Variants in SPTBN1 observed in about 807,000 individuals in gnomAD.
SPTBN1 encodes spectrin beta, non-erythrocytic 1, also known as spectrin beta chain, non-erythrocytic 1.
SPTBN1 carries 32 observed loss-of-function variants against 266.4 expected under a neutral mutation model. The observed-to-expected ratio is 0.12, with a 90% CI of 0.09 to 0.16. SPTBN1 has a LOEUF of 0.16. SPTBN1 is among the 10% of genes least tolerant of loss of function. The pLI, the probability that SPTBN1 is intolerant of heterozygous loss-of-function variation, is 1.00. For missense variants in SPTBN1, 2,296 were observed against 3,067.1 expected (o/e 0.75, Z 5.94); for synonymous variants, 1,336 against 1,162.2 (o/e 1.15, Z -3.04).
chr2:54,666,867 G>A (rs1412102925), intron 34 of SPTBN1, among the ~76,000 whole-genome samples: 1 of 152,220 alleles, frequency 6.6e-6, no homozygotes, highest in Non-Finnish European at 1.5e-5. Flanking sequence ...GATTTATTAA[G>A]CTCTGCTGCT....
chr2:54,506,804 CAT>C (rs1237034804), intron 1 of SPTBN1, among the ~76,000 whole-genome samples: 1 of 151,278 alleles, frequency 6.6e-6, no homozygotes, highest in Non-Finnish European at 1.5e-5. Context: ...CCAGTAGGAA[CAT>C]AGAACAGGAG....
chr2:54,520,888 A>G (rs1670396373), intron 1 of SPTBN1, among the ~76,000 whole-genome samples: 1 of 152,096 alleles, frequency 6.6e-6, no homozygotes. Flanking sequence ...TTTCTCTTCA[A>G]GGGGAGATTC....
At chr2:54,543,312 T>C (rs1672043987) in intron 2 of SPTBN1, among the ~76,000 whole-genome samples, 1 of 152,232 alleles carries the variant, frequency 6.6e-6, no homozygotes. Context: ...TGGGCATGCA[T>C]GTGAAGTGTT....
At chr2:54,526,704 GC>G in intron 2 of SPTBN1, 138 bp downstream of exon 2, 1 of 1,085,506 alleles carries the variant, frequency 9.2e-7, no homozygotes, top group Non-Finnish European at 1.2e-6. Context: ...TTGAGAGCCA[GC>G]TGACCATTTT....
At chr2:54,632,182 G>T (rs1227993542) in intron 16 of SPTBN1, among the ~76,000 whole-genome samples, 6 of 151,216 alleles carry the variant, frequency 4.0e-5, no homozygotes, top group Non-Finnish European at 7.4e-5. Flanking sequence ...AGGACACAAA[G>T]TAGAGATTAG....
At chr2:54,473,522 ACG>A (rs1472207332) in intron 1 of SPTBN1, among the ~76,000 whole-genome samples, 6 of 149,686 alleles carry the variant, frequency 4.0e-5, no homozygotes, top group Non-Finnish European at 7.4e-5. Context: ...TTAAGCACAC[ACG>A]CACACACATA....
rs561450292 is a variant in SPTBN1, at chr2:54,542,871, C to T, written c.148+16305C>T. On this transcript the variant is annotated intron_variant, in intron 2 of 35. Transcript: ENST00000356805. ...TTGGATGCTTGGGATAGATGAGGGT[C>T]GTGAGGTATTTTGGTCACAAATCTG... Among the ~76,000 whole-genome samples the T allele has an allele frequency of 5.3e-4, 81 of 152,278 alleles. 1 individual carries two copies. The highest frequency in any genetic ancestry group is 4.3e-3 in the Admixed American group (66 of 15,294).
At chr2:54,509,697 T>G (rs1428019817) in intron 1 of SPTBN1, among the ~76,000 whole-genome samples, 1 of 152,160 alleles carries the variant, frequency 6.6e-6, no homozygotes, top group Non-Finnish European at 1.5e-5. Flanking sequence ...AGCTTTAGGG[T>G]TCACTTGGTG....
chr2:54,626,305 C>G lies in SPTBN1; in HGVS notation c.1644+71C>G. On this transcript the variant is annotated intron_variant, in intron 12 of 35. Transcript: ENST00000356805. This position sits in a 1 kb window ranked among gnomAD's most constrained non-coding sequence, Gnocchi z 4.7. Reference sequence around the variant, plus strand: ...GGCTCTCTTTTCTGTGACTCATTCACTAAACCCCTACGTACAGCTGTGTGC... The same window carrying G: ...GGCTCTCTTTTCTGTGACTCATTCAGTAAACCCCTACGTACAGCTGTGTGC... 6.6e-7 allele frequency: 1 copy of G among 1,514,182 alleles called. No individual in the cohort carries two copies. 93.8% of individuals were successfully genotyped at this position (1,514,182 alleles called of 1,614,324 possible). A position where few individuals can be genotyped will look rare whatever the true frequency, so the allele number is the denominator to read the frequency against.
chr2:54,505,906 C>G (rs997799720), intron 1 of SPTBN1, among the ~76,000 whole-genome samples: 10 of 152,020 alleles, frequency 6.6e-5, no homozygotes, highest in African/African-American at 2.4e-4. Flanking sequence ...GGGCGGATCT[C>G]GAGGTCAGGA....
In SPTBN1 at chr2:54,540,285, A is replaced by T. The variant is rs1573373156; in HGVS notation, c.148+13719A>T. On this transcript the variant is annotated intron_variant, in intron 2 of 35. Coordinates refer to ENST00000356805, the MANE Select transcript of SPTBN1 (RefSeq NM_003128.3). This position sits in a 1 kb window ranked among gnomAD's most constrained non-coding sequence, Gnocchi z 5.6. ...AATCCTGGAGTTTAATCTTTCTCCTACCAGAATATTTGTCTTAGATTTTCA... is the reference window on the plus strand; with the variant it reads ...AATCCTGGAGTTTAATCTTTCTCCTTCCAGAATATTTGTCTTAGATTTTCA... 6.6e-6 allele frequency among the ~76,000 whole-genome samples: 1 copy of T among 152,156 alleles called. No homozygotes were observed. Among genetic ancestry groups the T allele is most frequent in the Non-Finnish European group, 1.5e-5 (1 of 68,038 alleles).
intron 3 of SPTBN1, among the ~76,000 whole-genome samples, chr2:54,608,689 TGCATGCGCGCACGAGTGCGC>T (rs984936656): frequency 1.3e-4 from 19 of 151,468 alleles, no homozygotes; most frequent in Admixed American, 9.2e-4. Context: ...TGCGTGTGTG[TGCATGCGCGCACGAGTGCGC>T]GCATGCACAC....
At chr2:54,581,071 C>T (rs1321955755) in intron 2 of SPTBN1, among the ~76,000 whole-genome samples, 3 of 151,312 alleles carry the variant, frequency 2.0e-5, no homozygotes, top group African/African-American at 7.3e-5. Context: ...GCACTCCAGC[C>T]TGGGCAAAAG....
intron 3 of SPTBN1, among the ~76,000 whole-genome samples, chr2:54,602,569 G>A (rs566927232): frequency 1.8e-4 from 27 of 152,234 alleles, no homozygotes; most frequent in East Asian, 5.8e-4. Context: ...GCCTCTGACC[G>A]AGATAGAGTG....
At chr2:54,657,475 T>C (rs1304913864) in intron 29 of SPTBN1, among the ~76,000 whole-genome samples, 2 of 152,184 alleles carry the variant, frequency 1.3e-5, no homozygotes. Flanking sequence ...ATGTCTCAAA[T>C]TGAGATGGGC....
intron 35 of SPTBN1, 48 bp from the exon 36 acceptor site, chr2:54,668,303 C>G: frequency 6.3e-7 from 1 of 1,588,652 alleles, no homozygotes; most frequent in Non-Finnish European, 8.6e-7. Flanking sequence ...CAGAACCCCT[C>G]ATGCCTACTC....
intron 1 of SPTBN1, among the ~76,000 whole-genome samples, chr2:54,497,989 G>A (rs1469519030): frequency 6.6e-6 from 1 of 152,140 alleles, no homozygotes; most frequent in Non-Finnish European, 1.5e-5. Context: ...CCTCCAGTTG[G>A]CATTCTTGTT....
intron 1 of SPTBN1, among the ~76,000 whole-genome samples, chr2:54,470,895 C>T (rs1693886074): frequency 6.6e-6 from 1 of 152,202 alleles, no homozygotes. Context: ...AACCTACAGC[C>T]TTTGAATGTG....
Position 54,664,223 on chromosome 2 carries a change from A to G in SPTBN1, c.6421-230A>G, listed in dbSNP as rs868423020. 38 of 518,762 alleles carry G rather than the reference A, an allele frequency of 7.3e-5. No homozygotes were observed. Among genetic ancestry groups the G allele is most frequent in the Non-Finnish European group, 1.3e-4 (37 of 291,656 alleles). The allele number at this position is 518,762 out of a possible 1,614,324, so 32.1% of individuals were successfully genotyped here. On this transcript the variant is annotated intron_variant, in intron 32 of 35. Coordinates refer to ENST00000356805, the MANE Select transcript of SPTBN1 (RefSeq NM_003128.3). This position sits in a 1 kb window ranked among gnomAD's most constrained non-coding sequence, Gnocchi z 5.6. ...AGGAATAGAGTGCAGTAAAACTCAT[A>G]CTGGCATTTCGCTTTTCTCATTTCC...
Sources: allele counts gnomAD v4.1 joint callset (sites outside exome capture counted in the v4.1 genomes callset), GRCh38; gene constraint gnomAD v4.1.1; non-coding constraint Gnocchi (gnomAD v3.1); transcripts MANE v1.5; gene names NCBI Gene and HGNC (gene_info 2026-07-23, HGNC 2026-07-21).